Variants in EVPL observed in about 807,000 individuals in gnomAD.
EVPL encodes the protein envoplakin.
EVPL carries 94 observed loss-of-function variants against 129.7 expected under a neutral mutation model. The observed-to-expected ratio is 0.72, with a 90% CI of 0.61 to 0.86. The LOEUF is 0.86. Among genes scored for constraint, EVPL ranks in the 40% least tolerant of loss-of-function variants. The pLI is 0.00. For missense variants in EVPL, 2,625 were observed against 2,721.1 expected (o/e 0.96, Z 0.79); for synonymous variants, 1,172 against 1,191.1 (o/e 0.98, Z 0.33).
chr17:76,011,733 G>A (rs977951677), intron 20 of EVPL, 39 bp downstream of exon 20: 2 of 1,609,732 alleles, frequency 1.2e-6, no homozygotes, highest in Admixed American at 1.7e-5. Flanking sequence ...TACAGAGCTG[G>A]TGTCAAGGTC....
rs777457834 is a variant in EVPL at position 76,009,856 on chromosome 17, G to A, written c.3349C>T (p.Gln1117Ter). ...CGCTCCAGGTCTTCGATGCGAGCCTGTAGCTTGGCCACAGCCTCCTCCGCC... is the reference window on the plus strand; with the variant it reads ...CGCTCCAGGTCTTCGATGCGAGCCTATAGCTTGGCCACAGCCTCCTCCGCC... Reference protein sequence around the residue: ...KQAEEAVAKLQARIEDLERAI... With the variant: ...KQAEEAVAKL The change falls in exon 22 of 22, where the codon CAG (glutamine) becomes TAG (stop). Residue 1117 changes from glutamine to a stop codon, truncating the protein, a stop_gained. Transcript: ENST00000301607. LOFTEE classifies it low-confidence loss of function (END_TRUNC). The surrounding 1 kb of genome is among the most constrained non-coding windows in gnomAD (Gnocchi z 5.9). The A allele has an allele frequency of 3.1e-6, 5 of 1,614,062 alleles. No homozygotes were observed. Among genetic ancestry groups the A allele is most frequent in the Middle Eastern group, 1.6e-4 (1 of 6,062 alleles).
intron 18 of EVPL, 104 bp downstream of exon 18, chr17:76,014,322 C>G: frequency 6.9e-7 from 1 of 1,444,564 alleles, no homozygotes; most frequent in Non-Finnish European, 9.2e-7. Flanking sequence ...GGAAGGGGCC[C>G]AGGGCCTCCG....
In EVPL at chr17:76,006,974, T is replaced by C. The variant is rs1286472223; in HGVS notation, c.*129A>G. The stretch of plus-strand genomic sequence containing the variant: ...GGGAGGGAGCCCATCACCATGTTAG[T>C]AAAATAATAAAACAGTGGTTGGACA... On this transcript the variant is annotated 3_prime_UTR_variant, in exon 22 of 22. Transcript: ENST00000301607. 3.7e-6 allele frequency: 4 copies of C among 1,084,710 alleles called. No homozygotes were observed. Among genetic ancestry groups the C allele is most frequent in the South Asian group, 8.6e-5 (2 of 23,258 alleles). 67.2% of individuals were successfully genotyped at this position (1,084,710 alleles called of 1,614,324 possible). A position where few individuals can be genotyped will look rare whatever the true frequency, so the allele number is the denominator to read the frequency against.
chr17:76,027,285 T>A lies in EVPL; in HGVS notation c.-87A>T. On this transcript the variant is annotated 5_prime_UTR_variant, in exon 1 of 22. Transcript: ENST00000301607. The stretch of plus-strand genomic sequence containing the variant: ...GGTGGGAGGCAGCGGGCGTCCTCAC[T>A]GGCTGGTCAGCTAAGTCTGGCGAGG... The A allele has an allele frequency of 1.0e-6, 1 of 954,002 alleles. No individual in the cohort carries two copies. The highest frequency in any genetic ancestry group is 1.7e-6 in the Non-Finnish European group (1 of 593,324). 59.1% of individuals were successfully genotyped at this position (954,002 alleles called of 1,614,324 possible).
At position 76,023,650 on chromosome 17, in the gene EVPL, C is replaced by T. The variant is rs756735450; in HGVS notation, c.203G>A (p.Arg68Gln). The stretch of plus-strand genomic sequence containing the variant: ...GGCCTGGCTCTGCTCACTGTTCAGC[C>T]GGTCCTGTGGGCAGGAGATGGGCAG... Reference protein sequence around the residue: ...LETQKRLQQDRLNSEQSQALQ... With the variant: ...LETQKRLQQDQLNSEQSQALQ... Residue 68 changes from arginine (R) to glutamine (Q), a missense_variant, in exon 3 of 22, where the codon CGG becomes CAG. Physicochemically the swap from Arg to Gln is conservative, Grantham distance 43 (BLOSUM62 1). Transcript: ENST00000301607. The T allele has an allele frequency of 2.0e-5, 32 of 1,568,412 alleles. No homozygotes were observed. Among genetic ancestry groups the T allele is most frequent in the East Asian group, 1.4e-4 (6 of 42,174 alleles).
chr17:76,020,624 T>C (rs1407294574), intron 9 of EVPL, among the ~76,000 whole-genome samples: 5 of 151,756 alleles, frequency 3.3e-5, no homozygotes, highest in Non-Finnish European at 7.4e-5. Flanking sequence ...GTTTTTTTTT[T>C]CATTATTATT....
In EVPL at chr17:76,023,322, G is replaced by A. The variant is rs148972745; in HGVS notation, c.450C>T (p.Val150=). ...TCTGCTCCAGCACGCGTGCCCAGTC[G>A]ACCCTGGGTCCCACGTCGGGGGGCA... ...MVLPPDVGPR[V]DWARVLEQKQ... The change falls in exon 4 of 22, where the codon GTC becomes GTT. Residue 150 remains valine, a synonymous_variant. Coordinates refer to ENST00000301607, the MANE Select transcript of EVPL (RefSeq NM_001988.4). 5 of 1,613,852 alleles carry A rather than the reference G, an allele frequency of 3.1e-6. No homozygotes were observed. The highest frequency in any genetic ancestry group is 3.3e-4 in the Middle Eastern group (2 of 6,060).
In EVPL at chr17:76,008,241, T is replaced by C; in HGVS notation, c.4964A>G (p.Lys1655Arg). The C allele has an allele frequency of 1.2e-6, 2 of 1,613,752 alleles. No homozygotes were observed. Among genetic ancestry groups the C allele is most frequent in the Non-Finnish European group, 1.7e-6 (2 of 1,179,982 alleles). Residue 1655 changes from lysine (K) to arginine (R), a missense_variant, in exon 22 of 22, where the codon AAG becomes AGG. Transcript: ENST00000301607. This position sits in a 1 kb window ranked among gnomAD's most constrained non-coding sequence, Gnocchi z 7.4. ...GTGGAGGTCCCGGAGCGTCCGCTCC[T>C]TCTCGTAGATCTGGTCCTTCTCGCG... ...ILREKDQIYE[K>R]ERTLRDLHAK...
At chr17:76,018,648 G>A (rs574991687) in intron 11 of EVPL, 48 bp from the exon 12 acceptor site, 3 of 1,553,286 alleles carry the variant, frequency 1.9e-6, no homozygotes, top group East Asian at 4.5e-5. Context: ...GGGGCAGGGG[G>A]CCAAGGCCAG....
At chr17:76,025,668 G>T (rs112023485) in intron 1 of EVPL, among the ~76,000 whole-genome samples, 1 of 152,172 alleles carries the variant, frequency 6.6e-6, no homozygotes, top group Non-Finnish European at 1.5e-5. Context: ...TTTCCCGTCC[G>T]CCCAGACACC....
Position 76,018,978 on chromosome 17 carries a change from T to G in EVPL, c.1220A>C (p.Gln407Pro), listed in dbSNP as rs765545550. 1 of 1,566,072 alleles carries G rather than the reference T, an allele frequency of 6.4e-7. No homozygotes were observed. The highest frequency in any genetic ancestry group is 8.6e-7 in the Non-Finnish European group (1 of 1,161,026). Reference protein sequence around the residue: ...RRSRDVAPLPQRRNPPQQPLH... With the variant: ...RRSRDVAPLPPRRNPPQQPLH... ...GGGCTGCTGAGGGGGGTTTCTTCGC[T>G]GTGGCAGAGGGGCCACATCCCGGCT... Residue 407 changes from glutamine (Q) to proline (P), a missense_variant, in exon 11 of 22, where the codon CAG becomes CCG. Physicochemically the swap from Gln to Pro is moderately conservative, Grantham distance 76. Around this residue, in one of 4 missense-constraint regions of EVPL, gnomAD observed 1,024 missense variants for 997.5 expected, o/e 1.03. Coordinates refer to ENST00000301607, the MANE Select transcript of EVPL (RefSeq NM_001988.4).
chr17:76,013,985 C>T lies in EVPL; in HGVS notation c.2373+441G>A, dbSNP rs570261843. Among the ~76,000 whole-genome samples, 90 of 152,260 alleles carry T rather than the reference C, an allele frequency of 5.9e-4. No individual in the cohort carries two copies. Among genetic ancestry groups the T allele is most frequent in the Non-Finnish European group, 1.1e-3 (73 of 68,012 alleles). On this transcript the variant is annotated intron_variant, in intron 18 of 21. Coordinates refer to ENST00000301607, the MANE Select transcript of EVPL (RefSeq NM_001988.4). This position sits in a 1 kb window ranked among gnomAD's most constrained non-coding sequence, Gnocchi z 4.3. ...TGCATGGGACATTTCATCCCTCCCC[C>T]GGCTACACTTGCTTCCTCCCACACT...
chr17:76,018,099 C>A (rs747277392), intron 13 of EVPL, 62 bp downstream of exon 13: 1 of 1,546,162 alleles, frequency 6.5e-7, no homozygotes, highest in South Asian at 1.2e-5. Flanking sequence ...ACAGACCAGT[C>A]GGAAGTCGGA....
In EVPL at chr17:76,007,594, G is replaced by A; in HGVS notation, c.5611C>T (p.Leu1871=). The A allele has an allele frequency of 1.9e-6, 3 of 1,614,040 alleles. No homozygotes were observed. Among genetic ancestry groups the A allele is most frequent in the Non-Finnish European group, 2.5e-6 (3 of 1,180,044 alleles). Residue 1871 remains leucine (L), a synonymous_variant, in exon 22 of 22, where the codon CTG becomes TTG. Coordinates refer to ENST00000301607, the MANE Select transcript of EVPL (RefSeq NM_001988.4). This position sits in a 1 kb window ranked among gnomAD's most constrained non-coding sequence, Gnocchi z 8.8. ...AQAATGGIVD[L]LSRERYSVHK... is the part of the protein sequence containing the mutation. ...ACAGAGTAGCGCTCACGGCTGAGCA[G>A]GTCCACGATGCCCCCTGTGGCCGCC...
rs375245505 is a variant in EVPL at position 76,009,620 on chromosome 17, G to A, written c.3585C>T (p.Arg1195=). 7.3e-5 allele frequency: 117 copies of A among 1,613,794 alleles called. No individual in the cohort carries two copies. Among genetic ancestry groups the A allele is most frequent in the South Asian group, 3.4e-4 (31 of 91,090 alleles). ...KQRPKVQLQE[R]VHEIFQVDPE... ...GATCCACCTGGAAGATCTCGTGGACGCGCTCCTGGAGCTGCACTTTGGGCC... is the reference window on the plus strand; with the variant it reads ...GATCCACCTGGAAGATCTCGTGGACACGCTCCTGGAGCTGCACTTTGGGCC... Residue 1195 remains arginine, a synonymous_variant, in exon 22 of 22, where the codon CGC becomes CGT. Transcript: ENST00000301607. The surrounding 1 kb of genome is among the most constrained non-coding windows in gnomAD (Gnocchi z 5.9).
At position 76,008,887 on chromosome 17, in the gene EVPL, G is replaced by A; in HGVS notation, c.4318C>T (p.Arg1440Trp). The A allele has an allele frequency of 1.2e-6, 2 of 1,613,784 alleles. No homozygotes were observed. The highest frequency in any genetic ancestry group is 1.7e-6 in the Non-Finnish European group (2 of 1,180,014). Residue 1440 changes from arginine (R) to tryptophan (W), a missense_variant, in exon 22 of 22, where the codon CGG becomes TGG. Around this residue, in one of 4 missense-constraint regions of EVPL, gnomAD observed 1,453 missense variants for 1,511.8 expected, o/e 0.96. Transcript: ENST00000301607. The surrounding 1 kb of genome is among the most constrained non-coding windows in gnomAD (Gnocchi z 7.4). Reference sequence around the variant, plus strand: ...TCCTGGATCCTCAAGGTCAGCTGCCGCAGCTCCCTCTCCACGGCCAGCTTC... The same window carrying A: ...TCCTGGATCCTCAAGGTCAGCTGCCACAGCTCCCTCTCCACGGCCAGCTTC... ...SKKLAVEREL[R>W]QLTLRIQELE...
Position 76,010,550 on chromosome 17 carries a change from A to C in EVPL, c.2662-7T>G, listed in dbSNP as rs746357132. 6.8e-6 allele frequency: 11 copies of C among 1,607,376 alleles called. No homozygotes were observed. In the East Asian group the frequency reaches 2.5e-4, roughly 36 times the overall value. ...TGTCCTCACTGAGCTCCTTCTGCAGAGAGGAAGAAGGGTAGAGCACGGGGT... is the reference window on the plus strand; with the variant it reads ...TGTCCTCACTGAGCTCCTTCTGCAGCGAGGAAGAAGGGTAGAGCACGGGGT... On this transcript the variant is annotated splice_region_variant and splice_polypyrimidine_tract_variant and intron_variant, in intron 21 of 21. Transcript: ENST00000301607.
intron 13 of EVPL, 74 bp from the exon 14 acceptor site, chr17:76,017,985 C>T: frequency 6.3e-7 from 1 of 1,590,612 alleles, no homozygotes; most frequent in Non-Finnish European, 8.6e-7. Flanking sequence ...ACCAGGTGCC[C>T]ACAGAGGGTC....
At chr17:76,011,727 G>A (rs747493944) in intron 20 of EVPL, 45 bp downstream of exon 20, 13 of 1,610,348 alleles carry the variant, frequency 8.1e-6, no homozygotes, top group Middle Eastern at 1.7e-4. Context: ...GGACCCTACA[G>A]AGCTGGTGTC....
Sources: gnomAD v4.1 joint callset for allele counts (sites outside exome capture counted in the v4.1 genomes callset) on GRCh38, gnomAD v4.1.1 for gene constraint, gnomAD v4.1.1 regional missense constraint, Gnocchi (gnomAD v3.1) non-coding constraint, MANE v1.5 for transcripts, NCBI Gene and HGNC (gene_info 2026-07-23, HGNC 2026-07-21) for gene names.